Variants in LRRTM4 observed in about 807,000 individuals in gnomAD.
The protein encoded by LRRTM4 is leucine-rich repeat transmembrane neuronal protein 4.
A neutral mutation model predicts 47.6 loss-of-function variants in LRRTM4; 25 were observed. The observed-to-expected ratio is 0.53, with a 90% CI of 0.38 to 0.73. LRRTM4 has a LOEUF of 0.73. Ranked by LOEUF, LRRTM4 falls within the 30% of genes least tolerant of loss-of-function variation. The pLI, the probability that LRRTM4 is intolerant of heterozygous loss-of-function variation, is 0.00. For missense variants in LRRTM4, 638 were observed against 713.4 expected, an observed-to-expected ratio of 0.89 and a Z score of 1.20; for synonymous variants, 311 against 269.5, an observed-to-expected ratio of 1.15 and a Z score of -1.51.
chr2:77,287,514 G>A (rs980478179), intron 3 of LRRTM4, among the ~76,000 whole-genome samples: 1 of 151,850 alleles, frequency 6.6e-6, no homozygotes, highest in African/African-American at 2.4e-5. Context: ...TACCTCAGGT[G>A]AACCCCAGTC....
intron 3 of LRRTM4, among the ~76,000 whole-genome samples, chr2:76,940,024 C>T (rs994686229): frequency 1.3e-5 from 2 of 152,006 alleles, no homozygotes; most frequent in African/African-American, 4.8e-5. Flanking sequence ...AAAAGAAATG[C>T]TTACACACTC....
intron 3 of LRRTM4, among the ~76,000 whole-genome samples, chr2:76,916,908 T>C (rs1026680704): frequency 3.3e-5 from 5 of 152,356 alleles, no homozygotes; most frequent in Admixed American, 2.0e-4. Flanking sequence ...AACCATCACA[T>C]TGCAAATAAC....
intron 3 of LRRTM4, among the ~76,000 whole-genome samples, chr2:77,435,915 C>A (rs561411098): frequency 6.6e-6 from 1 of 152,178 alleles, no homozygotes; most frequent in African/African-American, 2.4e-5. Context: ...CTAGACCATA[C>A]TGCAAGGGAA....
At chr2:77,251,910 A>G (rs1172438823) in intron 3 of LRRTM4, among the ~76,000 whole-genome samples, 8 of 152,204 alleles carry the variant, frequency 5.3e-5, no homozygotes, top group African/African-American at 1.9e-4. Context: ...TCACAGGTTG[A>G]GAATTCCCAG....
chr2:77,024,473 T>C (rs1678381751), intron 3 of LRRTM4, among the ~76,000 whole-genome samples: 1 of 150,628 alleles, frequency 6.6e-6, no homozygotes, highest in South Asian at 2.1e-4. Flanking sequence ...ATGCATGTCA[T>C]TGGTTGCAAA....
At chr2:76,816,059 T>C (rs4853277) in intron 3 of LRRTM4, among the ~76,000 whole-genome samples, 71,339 of 151,792 alleles carry the variant, frequency 0.47, 18,171 homozygotes, top group East Asian at 0.73. Flanking sequence ...GATTAGCAGA[T>C]ACAACCTGGG....
rs536315575 is a variant in LRRTM4 at position 77,018,213 on chromosome 2, T to C, written c.1552-269297A>G. On this transcript the variant is annotated intron_variant, in intron 3 of 3. Transcript: ENST00000409884. ...AGAAAAATTTTTTTTGTTTTTTTTT[T>C]CAAAAGTACATTTCACTTAACCATG... is the stretch of plus-strand genomic sequence containing the variant. Among the ~76,000 whole-genome samples, 13 of 148,780 alleles carry C rather than the reference T, an allele frequency of 8.7e-5. No homozygotes were observed. The East Asian group carries it at 2.7e-3, about 30-fold the overall frequency.
chr2:77,149,284 T>C (rs1279075860), intron 3 of LRRTM4, among the ~76,000 whole-genome samples: 5 of 152,190 alleles, frequency 3.3e-5, no homozygotes, highest in Non-Finnish European at 1.5e-5. Flanking sequence ...CATATTGAGC[T>C]AAATAAAATA....
At chr2:76,909,266 G>T (rs957586977) in intron 3 of LRRTM4, among the ~76,000 whole-genome samples, 2 of 152,156 alleles carry the variant, frequency 1.3e-5, no homozygotes, top group Non-Finnish European at 2.9e-5. Flanking sequence ...TCTAATAAAT[G>T]GTGCTGGGAA....
intron 3 of LRRTM4, among the ~76,000 whole-genome samples, chr2:77,399,933 G>A (rs952855780): frequency 8.6e-5 from 13 of 151,854 alleles, no homozygotes; most frequent in African/African-American, 1.2e-4. Flanking sequence ...GCTTGAAAGC[G>A]ATCTCAGAAA....
chr2:77,144,825 C>T (rs1403273168), intron 3 of LRRTM4, among the ~76,000 whole-genome samples: 1 of 152,032 alleles, frequency 6.6e-6, no homozygotes, highest in African/African-American at 2.4e-5. Flanking sequence ...AACAAGACAC[C>T]TCTGAACAAC....
At chr2:77,456,513 CCTTATTCTCTCCAACATG>C (rs1376142338) in intron 3 of LRRTM4, among the ~76,000 whole-genome samples, 1 of 152,024 alleles carries the variant, frequency 6.6e-6, no homozygotes, top group Non-Finnish European at 1.5e-5. Context: ...TTGAGTTTAT[CCTTATTCTCTCCAACATG>C]CTCATTCTCT....
At chr2:77,120,129 G>T (rs1013618475) in intron 3 of LRRTM4, among the ~76,000 whole-genome samples, 7 of 151,750 alleles carry the variant, frequency 4.6e-5, no homozygotes, top group Admixed American at 4.6e-4. Flanking sequence ...CGAAAGGAAG[G>T]TAGGAGCTAT....
At chr2:77,278,992 A>G (rs1182434032) in intron 3 of LRRTM4, among the ~76,000 whole-genome samples, 1 of 152,000 alleles carries the variant, frequency 6.6e-6, no homozygotes, top group African/African-American at 2.4e-5. Context: ...GTAAACTGGG[A>G]AAGAAAGTGG....
intron 3 of LRRTM4, among the ~76,000 whole-genome samples, chr2:77,501,319 T>C (rs1678563880): frequency 1.3e-5 from 2 of 150,742 alleles, no homozygotes; most frequent in African/African-American, 4.8e-5. Context: ...TATTTGTATA[T>C]ATGAAAACAT....
At position 77,513,864 on chromosome 2, in the gene LRRTM4, C is replaced by T. The variant is rs114596542; in HGVS notation, c.1551+4454G>A. Among the ~76,000 whole-genome samples the T allele has an allele frequency of 2.0e-3, 301 of 152,002 alleles. 2 individuals carry two copies. The highest frequency in any genetic ancestry group is 3.8e-3 in the Non-Finnish European group (260 of 67,950). Reference sequence around the variant, plus strand: ...TACAGGCATGAGCCACTGCACCTGACGATACTTATAATTTTTCAGATATGA... The same window carrying T: ...TACAGGCATGAGCCACTGCACCTGATGATACTTATAATTTTTCAGATATGA... On this transcript the variant is annotated intron_variant, in intron 3 of 3. Transcript: ENST00000409884.
At chr2:77,309,281 G>A (rs693782) in intron 3 of LRRTM4, among the ~76,000 whole-genome samples, 52,099 of 151,896 alleles carry the variant, frequency 0.34, 11,000 homozygotes, top group East Asian at 0.59. Context: ...CAAATGTTTG[G>A]CTCTCCCTCC....
chr2:77,358,030 T>C (rs899181661), intron 3 of LRRTM4, among the ~76,000 whole-genome samples: 1 of 152,206 alleles, frequency 6.6e-6, no homozygotes, highest in African/African-American at 2.4e-5. Context: ...CCTCATCTCA[T>C]ATATACTTAA....
chr2:77,164,699 G>C (rs1321539273), intron 3 of LRRTM4, among the ~76,000 whole-genome samples: 2 of 152,122 alleles, frequency 1.3e-5, no homozygotes, highest in African/African-American at 4.8e-5. Context: ...TGAACAACCT[G>C]CTCCTGAATG....
Sources: allele counts gnomAD v4.1 joint callset (sites outside exome capture counted in the v4.1 genomes callset), GRCh38; gene constraint gnomAD v4.1.1; transcripts MANE v1.5; gene names NCBI Gene and HGNC (gene_info 2026-07-23, HGNC 2026-07-21).